Variants in EPB41L5 observed in about 807,000 individuals in gnomAD.
EPB41L5 encodes erythrocyte membrane protein band 4.1 like 5.
EPB41L5 carries 55 observed loss-of-function variants against 106.6 expected under a neutral mutation model. The observed-to-expected ratio is 0.52, with a 90% CI of 0.42 to 0.65. The LOEUF (loss-of-function observed/expected upper bound fraction) is 0.65. Among genes scored for constraint, EPB41L5 ranks in the 30% least tolerant of loss-of-function variants. The probability of loss-of-function intolerance (pLI) is 0.00; values close to 1 mark genes in which losing one functional copy is unlikely to be tolerated. For missense variants in EPB41L5, 871 were observed against 882.1 expected, an observed-to-expected ratio of 0.99 and a Z score of 0.16; for synonymous variants, 297 against 306.7, an observed-to-expected ratio of 0.97 and a Z score of 0.33.
At chr2:120,110,824 C>T (rs978818560) in intron 16 of EPB41L5, among the ~76,000 whole-genome samples, 8 of 151,744 alleles carry the variant, frequency 5.3e-5, no homozygotes, top group Admixed American at 2.6e-4. Flanking sequence ...TTAGTAGAAA[C>T]GGGGCTTCAC....
rs536033345 is a variant in EPB41L5, at chr2:120,102,642, A to G, written c.1337+1828A>G. On this transcript the variant is annotated intron_variant, in intron 16 of 24. Transcript: ENST00000263713. ...TTCCTATGTTTGAACAATTGGGCAG[A>G]ATAATGGACCATTCTATTGCTTGCA... Among the ~76,000 whole-genome samples, 9 of 152,316 alleles carry G rather than the reference A, an allele frequency of 5.9e-5. No homozygotes were observed. In the South Asian group the frequency reaches 1.7e-3, roughly 28 times the overall value.
chr2:120,024,103 T>C (rs1678133747), intron 2 of EPB41L5, among the ~76,000 whole-genome samples: 1 of 152,204 alleles, frequency 6.6e-6, no homozygotes, highest in African/African-American at 2.4e-5. Context: ...TTTCTAGATA[T>C]ACAATCATGT....
intron 1 of EPB41L5, among the ~76,000 whole-genome samples, chr2:120,018,705 G>A (rs1006118809): frequency 6.6e-6 from 1 of 151,762 alleles, no homozygotes; most frequent in Non-Finnish European, 1.5e-5. Context: ...GGAATGCAGT[G>A]GCGCAATCCC....
At chr2:120,164,748 A>G in intron 21 of EPB41L5, 88 bp from the exon 22 acceptor site, 2 of 854,476 alleles carry the variant, frequency 2.3e-6, no homozygotes, top group Non-Finnish European at 3.8e-6. Context: ...GGCCTGTGTC[A>G]GAATTATAAA....
At chr2:120,043,341 T>C (rs1244476489) in intron 3 of EPB41L5, among the ~76,000 whole-genome samples, 1 of 151,678 alleles carries the variant, frequency 6.6e-6, no homozygotes, top group Non-Finnish European at 1.5e-5. Flanking sequence ...AGGAGTTTGA[T>C]ACCAGCCTGT....
At chr2:120,162,088 G>A (rs909540288) in intron 21 of EPB41L5, among the ~76,000 whole-genome samples, 1 of 152,120 alleles carries the variant, frequency 6.6e-6, no homozygotes, top group African/African-American at 2.4e-5. Context: ...CCTTGGCCTC[G>A]CAAAGTGCTG....
chr2:120,122,034 C>A (rs1685238849), intron 16 of EPB41L5, among the ~76,000 whole-genome samples: 1 of 151,936 alleles, frequency 6.6e-6, no homozygotes, highest in African/African-American at 2.4e-5. Flanking sequence ...TTGTTTTTTT[C>A]TTGTAAATTT....
chr2:120,140,082 T>G (rs1686105521), intron 18 of EPB41L5, among the ~76,000 whole-genome samples: 1 of 152,058 alleles, frequency 6.6e-6, no homozygotes, highest in African/African-American at 2.4e-5. Context: ...ACTTGGTATG[T>G]TCTCATTTAT....
intron 3 of EPB41L5, among the ~76,000 whole-genome samples, chr2:120,044,937 A>G (rs1679661303): frequency 6.6e-6 from 1 of 152,176 alleles, no homozygotes; most frequent in South Asian, 2.1e-4. Flanking sequence ...TTAAAAATGA[A>G]CTCCAGATAA....
chr2:120,019,243 T>A lies in EPB41L5; in HGVS notation c.159T>A (p.Thr53=), dbSNP rs1677759566. ...GTCGGGTGTCCCTTCTGGATGGTAC[T>A]GATGTTAGTGTGGACTTGCCAGTAA... ...ITCRVSLLDG[T]DVSVDLPKKA... is the part of the protein sequence containing the mutation. The change falls in exon 2 of 25, where the codon ACT becomes ACA. Residue 53 remains threonine, a synonymous_variant. Coordinates refer to ENST00000263713, the MANE Select transcript of EPB41L5 (RefSeq NM_020909.4). 1 of 1,611,634 alleles carries A rather than the reference T, an allele frequency of 6.2e-7. No individual in the cohort carries two copies.
intron 20 of EPB41L5, among the ~76,000 whole-genome samples, chr2:120,151,373 A>G (rs1686666218): frequency 2.0e-5 from 3 of 152,220 alleles, no homozygotes; most frequent in Admixed American, 6.5e-5. Flanking sequence ...GTTGCAGAAT[A>G]CAAGATAAAT....
intron 16 of EPB41L5, chr2:120,106,091 A>G: frequency 1.0e-6 from 1 of 985,126 alleles, no homozygotes; most frequent in Non-Finnish European, 1.2e-6. Flanking sequence ...GAAAGTGGCC[A>G]TTTCTGTATT....
intron 3 of EPB41L5, among the ~76,000 whole-genome samples, chr2:120,048,963 T>C (rs141087653): frequency 6.6e-6 from 1 of 152,320 alleles, no homozygotes; most frequent in East Asian, 1.9e-4. Context: ...AGTTTCTATG[T>C]AGTTGAGCGG....
intron 1 of EPB41L5, among the ~76,000 whole-genome samples, chr2:120,013,900 T>C (rs1175289091): frequency 1.3e-5 from 2 of 152,252 alleles, no homozygotes; most frequent in Non-Finnish European, 2.9e-5. Flanking sequence ...CCCATAACCG[T>C]GTACATTTGT....
chr2:120,059,665 G>T (rs949810211), intron 3 of EPB41L5, among the ~76,000 whole-genome samples: 5 of 152,124 alleles, frequency 3.3e-5, no homozygotes, highest in Non-Finnish European at 7.3e-5. Flanking sequence ...CACTTTGGGA[G>T]GCCAAGGCAA....
chr2:120,102,605 A>C (rs550267237), intron 16 of EPB41L5, among the ~76,000 whole-genome samples: 1 of 152,314 alleles, frequency 6.6e-6, no homozygotes, highest in Non-Finnish European at 1.5e-5. Flanking sequence ...AATGGTTAAA[A>C]TTTGGAAATG....
chr2:120,081,190 A>G (rs563047489), intron 10 of EPB41L5, among the ~76,000 whole-genome samples: 2,635 of 152,258 alleles, frequency 0.017, 72 homozygotes, highest in African/African-American at 0.06. Context: ...GCCCATGCCT[A>G]TGTCCTGAAT....
rs751368297 is a variant in EPB41L5 at position 120,142,982 on chromosome 2, G to C, written c.1600-21G>C. On this transcript the variant is annotated intron_variant, in intron 18 of 24. Coordinates refer to ENST00000263713, the MANE Select transcript of EPB41L5 (RefSeq NM_020909.4). ...CTATAGTGCATCAGAGTTGATTATA[G>C]TATATTTTTAAAATATCTAGGAGGA... 14 of 1,600,628 alleles carry C rather than the reference G, an allele frequency of 8.7e-6. No homozygotes were observed. In the South Asian group the frequency reaches 1.5e-4, roughly 18 times the overall value.
intron 20 of EPB41L5, among the ~76,000 whole-genome samples, chr2:120,159,732 G>A (rs997320896): frequency 6.6e-6 from 1 of 152,148 alleles, no homozygotes; most frequent in African/African-American, 2.4e-5. Flanking sequence ...AGAATAGAGA[G>A]CCCAGAAATA....
Sources: gnomAD v4.1 joint callset for allele counts (sites outside exome capture counted in the v4.1 genomes callset) on GRCh38, gnomAD v4.1.1 for gene constraint, MANE v1.5 for transcripts, NCBI Gene and HGNC (gene_info 2026-07-23, HGNC 2026-07-21) for gene names.